The following SLIT3 variants were observed in gnomAD, a reference collection of about 807,000 sequenced individuals.
The protein encoded by SLIT3 is slit homolog 3 protein.
A neutral mutation model predicts 184.0 loss-of-function variants in SLIT3; 68 were observed. The ratio of observed to expected loss-of-function variants is 0.37; its 90% confidence interval spans 0.30 to 0.45. The LOEUF is 0.45. Among genes scored for constraint, SLIT3 ranks in the 20% least tolerant of loss-of-function variants. SLIT3 has a pLI of 1.00. For synonymous variants in SLIT3, 831 were observed against 828.6 expected, an observed-to-expected ratio of 1.00 and a Z score of -0.05; for missense variants, 1,707 against 2,026.0, an observed-to-expected ratio of 0.84 and a Z score of 3.02.
intron 14 of SLIT3, among the ~76,000 whole-genome samples, chr5:168,763,630 G>T (rs1314411821): frequency 6.6e-6 from 1 of 152,158 alleles, no homozygotes; most frequent in East Asian, 1.9e-4. Context: ...TCTGAGAAAT[G>T]CCTCGGCGAG....
chr5:168,919,677 T>G (rs1422271232), intron 4 of SLIT3, among the ~76,000 whole-genome samples: 1 of 152,158 alleles, frequency 6.6e-6, no homozygotes, highest in Non-Finnish European at 1.5e-5. Flanking sequence ...ACTTTATAAT[T>G]ATTATAAAAA....
At chr5:168,961,007 C>T (rs1762986082) in intron 4 of SLIT3, among the ~76,000 whole-genome samples, 1 of 152,180 alleles carries the variant, frequency 6.6e-6, no homozygotes, top group African/African-American at 2.4e-5. Context: ...CAGCCATTGA[C>T]CTTTAAAAAG....
intron 4 of SLIT3, among the ~76,000 whole-genome samples, chr5:169,010,873 C>T (rs1439264160): frequency 1.3e-5 from 2 of 149,714 alleles, no homozygotes; most frequent in Non-Finnish European, 1.5e-5. Context: ...CGCGCCACTG[C>T]ACTCCAGCCT....
In SLIT3 at chr5:168,859,297, A is replaced by G. The variant is rs147473835; in HGVS notation, c.486-14642T>C. Among the ~76,000 whole-genome samples the G allele has an allele frequency of 1.9e-3, 297 of 152,312 alleles. 1 individual carries two copies. The highest frequency in any genetic ancestry group is 6.8e-3 in the African/African-American group (283 of 41,574). ...TGTAATGAAGCAAATGACAAAATCG[A>G]TAAAGTGGGAATTGCGTGGCTGTCA... On this transcript the variant is annotated intron_variant, in intron 5 of 35. Coordinates refer to ENST00000519560, the MANE Select transcript of SLIT3 (RefSeq NM_003062.4).
intron 2 of SLIT3, among the ~76,000 whole-genome samples, chr5:169,247,903 C>A (rs529907142): frequency 6.6e-6 from 1 of 152,178 alleles, no homozygotes; most frequent in Admixed American, 6.5e-5. Context: ...GGATTACAGG[C>A]GTGAGCCACC....
At position 168,785,944 on chromosome 5, in the gene SLIT3, T is replaced by G; in HGVS notation, c.1114A>C (p.Lys372Gln). The G allele has an allele frequency of 6.2e-7, 1 of 1,612,810 alleles. No individual in the cohort carries two copies. Among genetic ancestry groups the G allele is most frequent in the Non-Finnish European group, 8.5e-7 (1 of 1,179,140 alleles). ...GACACCAGCCCATCAAACAGTCCCTTGACAATCTCGGTGATCTTGTTCCCA... is the reference window on the plus strand; with the variant it reads ...GACACCAGCCCATCAAACAGTCCCTGGACAATCTCGGTGATCTTGTTCCCA... ...LYGNKITEIV[K>Q]GLFDGLVSLQ... Residue 372 changes from lysine (K) to glutamine (Q), a missense_variant, in exon 12 of 36, where the codon AAG becomes CAG. By Grantham distance (53) the Lys-to-Gln change is moderately conservative. Around this residue, in one of 3 missense-constraint regions of SLIT3, gnomAD observed 1,307 missense variants for 1,511.6 expected, o/e 0.86. Transcript: ENST00000519560.
intron 11 of SLIT3, among the ~76,000 whole-genome samples, chr5:168,787,238 C>T (rs886121420): frequency 5.3e-5 from 8 of 152,252 alleles, no homozygotes; most frequent in Non-Finnish European, 1.2e-4. Context: ...ATGTCACTGT[C>T]TGCCCGTGTC....
chr5:168,847,910 A>T (rs1282355371), intron 5 of SLIT3, among the ~76,000 whole-genome samples: 2 of 152,106 alleles, frequency 1.3e-5, no homozygotes, highest in African/African-American at 4.8e-5. Flanking sequence ...CCTCTCAAAA[A>T]CAAATCAACA....
intron 9 of SLIT3, among the ~76,000 whole-genome samples, chr5:168,802,146 GA>G (rs57706263): frequency 0.23 from 25,320 of 109,554 alleles, 3,275 homozygotes; most frequent in African/African-American, 0.44. Context: ...TTCTCAATAA[GA>G]AAAAAAAAAA....
intron 20 of SLIT3, among the ~76,000 whole-genome samples, chr5:168,726,638 G>T (rs866422075): frequency 2.6e-5 from 4 of 151,712 alleles, no homozygotes; most frequent in Non-Finnish European, 5.9e-5. Context: ...GTGCTTTCTT[G>T]GGAAGGAGCA....
intron 4 of SLIT3, among the ~76,000 whole-genome samples, chr5:169,142,461 T>C (rs542522199): frequency 3.3e-5 from 5 of 152,232 alleles, no homozygotes; most frequent in African/African-American, 1.2e-4. Context: ...CACTCAGGTG[T>C]TGGGTCACTG....
chr5:168,913,736 C>G (rs1403160262), intron 4 of SLIT3, among the ~76,000 whole-genome samples: 1 of 115,152 alleles, frequency 8.7e-6, no homozygotes, highest in Non-Finnish European at 1.9e-5. Flanking sequence ...AGTAAAACTC[C>G]GTCTCAAAAA....
intron 4 of SLIT3, among the ~76,000 whole-genome samples, chr5:168,919,092 C>T (rs1408787262): frequency 6.6e-6 from 1 of 151,886 alleles, no homozygotes; most frequent in Non-Finnish European, 1.5e-5. Flanking sequence ...AACCCCATGT[C>T]TACTAAAAGT....
Position 168,694,593 on chromosome 5 carries a change from GTCTC to G in SLIT3, c.3082+1695_3082+1698del, listed in dbSNP as rs996674636. 2.9e-4 allele frequency among the ~76,000 whole-genome samples: 44 copies of G among 152,106 alleles called. 1 individual carries two copies. Among genetic ancestry groups the G allele is most frequent in the African/African-American group, 5.5e-4 (23 of 41,490 alleles). ...TCAGTCAGTCTTTCTCTCTCTCTCT[GTCTC>G]TCTCTCTTTCTTTATCTCTCTCTCT... On this transcript the variant is annotated intron_variant, in intron 28 of 35. Coordinates refer to ENST00000519560, the MANE Select transcript of SLIT3 (RefSeq NM_003062.4).
At position 168,753,112 on chromosome 5, in the gene SLIT3, G is replaced by A. The variant is rs1178958335; in HGVS notation, c.1830-14C>T. The A allele has an allele frequency of 1.9e-6, 3 of 1,613,832 alleles. No homozygotes were observed. Among genetic ancestry groups the A allele is most frequent in the Non-Finnish European group, 2.5e-6 (3 of 1,179,870 alleles). ...CTCCTCAGCATCCTACAGGGAGAGG[G>A]GTGGGGATGAGAGAGCACAGGCATG... On this transcript the variant is annotated splice_polypyrimidine_tract_variant and intron_variant, in intron 17 of 35. Transcript: ENST00000519560.
chr5:169,172,415 G>A (rs533424892), intron 4 of SLIT3, among the ~76,000 whole-genome samples: 2 of 152,300 alleles, frequency 1.3e-5, no homozygotes, highest in East Asian at 3.9e-4. Flanking sequence ...ACAGTCTATA[G>A]TCAAAAGGTG....
At chr5:169,066,002 G>C (rs891881147) in intron 4 of SLIT3, among the ~76,000 whole-genome samples, 6 of 152,214 alleles carry the variant, frequency 3.9e-5, no homozygotes, top group Non-Finnish European at 8.8e-5. Context: ...TGTCATTCCA[G>C]TTGACAGATG....
chr5:169,273,571 G>T (rs6860744), intron 1 of SLIT3, among the ~76,000 whole-genome samples: 85,503 of 151,946 alleles, frequency 0.56, 25,756 homozygotes, highest in South Asian at 0.69. Flanking sequence ...GAATCTCTGG[G>T]GATAGAGACC....
chr5:168,977,870 A>G (rs1754820390), intron 4 of SLIT3, among the ~76,000 whole-genome samples: 1 of 152,188 alleles, frequency 6.6e-6, no homozygotes, highest in African/African-American at 2.4e-5. Context: ...GAAAAGGTGA[A>G]GAGGGAGGGG....
Sources: allele counts gnomAD v4.1 joint callset (sites outside exome capture counted in the v4.1 genomes callset), GRCh38; gene constraint gnomAD v4.1.1; regional missense constraint gnomAD v4.1.1; transcripts MANE v1.5; gene names NCBI Gene and HGNC (gene_info 2026-07-23, HGNC 2026-07-21).